Variants in CLIC5 observed in about 807,000 individuals in gnomAD.
CLIC5 encodes the protein chloride intracellular channel protein 5.
A neutral mutation model predicts 24.7 loss-of-function variants in CLIC5; 20 were observed. The ratio of observed to expected loss-of-function variants is 0.81; its 90% CI spans 0.57 to 1.18. The LOEUF is 1.18. Among genes scored for constraint, CLIC5 ranks in the 50% most tolerant of loss-of-function variants. The pLI is 0.00. For missense variants in CLIC5, 341 were observed against 326.1 expected, an observed-to-expected ratio of 1.05 and a Z score of -0.35; for synonymous variants, 159 against 135.6, an observed-to-expected ratio of 1.17 and a Z score of -1.20.
At chr6:45,952,586 T>C (rs1157441654) in intron 2 of CLIC5, among the ~76,000 whole-genome samples, 1 of 152,200 alleles carries the variant, frequency 6.6e-6, no homozygotes, top group Non-Finnish European at 1.5e-5. Context: ...TAAAGTGTAG[T>C]GCCAGGAAAA....
intron 1 of CLIC5, among the ~76,000 whole-genome samples, chr6:45,983,348 A>T (rs1248205684): frequency 6.6e-6 from 1 of 152,212 alleles, no homozygotes; most frequent in Non-Finnish European, 1.5e-5. Flanking sequence ...GTGTCATCAA[A>T]TGAGTAGTGT....
At chr6:46,033,394 T>A (rs2127456957) in intron 1 of CLIC5, among the ~76,000 whole-genome samples, 1 of 152,284 alleles carries the variant, frequency 6.6e-6, no homozygotes, top group Non-Finnish European at 1.5e-5. Flanking sequence ...TGTCAGGCAT[T>A]TGGGCAGTCA....
At chr6:45,956,468 GA>G (rs1428390010) in intron 1 of CLIC5, among the ~76,000 whole-genome samples, 1 of 127,146 alleles carries the variant, frequency 7.9e-6, no homozygotes, top group African/African-American at 3.0e-5. Context: ...GGGGCTTACT[GA>G]GTTTTTTTTT....
chr6:45,909,254 A>G (rs956299319), intron 5 of CLIC5, among the ~76,000 whole-genome samples: 1 of 152,146 alleles, frequency 6.6e-6, no homozygotes, highest in Admixed American at 6.5e-5. Flanking sequence ...TATGTCTTTC[A>G]AGTGGGGCAC....
intron 1 of CLIC5, among the ~76,000 whole-genome samples, chr6:46,008,984 G>A (rs536872687): frequency 6.6e-6 from 1 of 152,166 alleles, no homozygotes; most frequent in African/African-American, 2.4e-5. Flanking sequence ...AATCACCAGT[G>A]GGTAGCTTCT....
At chr6:45,907,306 CTGTT>C (rs1158840253) in intron 5 of CLIC5, among the ~76,000 whole-genome samples, 2 of 152,040 alleles carry the variant, frequency 1.3e-5, no homozygotes, top group East Asian at 1.9e-4. Flanking sequence ...GTTTTTAATT[CTGTT>C]TATGTGGCGA....
At chr6:45,975,081 G>C (rs1337472552) in intron 1 of CLIC5, among the ~76,000 whole-genome samples, 1 of 152,168 alleles carries the variant, frequency 6.6e-6, no homozygotes, top group East Asian at 1.9e-4. Context: ...AATAAAGTAA[G>C]CTAAAAGGGA....
chr6:46,129,536 A>G, the CLIC5 span: 2 of 152,236 alleles, frequency 1.3e-5, no homozygotes, highest in African/African-American at 2.4e-5. Flanking sequence ...TCGCTTATCC[A>G]GTAAGACGGA....
Position 46,042,521 on chromosome 6 carries a change from A to G in CLIC5, c.540+37182T>C, listed in dbSNP as rs577108963. ...GAGGCCACTCGGGGTGTTTAGCCAG[A>G]TGTCCTTCATACTCCAGCACGTCAC... is the stretch of plus-strand genomic sequence containing the variant. On this transcript the variant is annotated intron_variant, in intron 1 of 5. Coordinates refer to the CLIC5 transcript ENST00000185206. Among the ~76,000 whole-genome samples, 101 of 152,274 alleles carry G rather than the reference A, an allele frequency of 6.6e-4. 2 individuals are homozygous for G. Among genetic ancestry groups the G allele is most frequent in the African/African-American group, 2.2e-3 (92 of 41,558 alleles).
At chr6:46,012,645 A>G (rs1766847181) in intron 1 of CLIC5, among the ~76,000 whole-genome samples, 1 of 152,232 alleles carries the variant, frequency 6.6e-6, no homozygotes, top group South Asian at 2.1e-4. Context: ...AAGAAATTCA[A>G]AGTCTAAACT....
At chr6:46,100,342 C>T in the CLIC5 span, among the ~76,000 whole-genome samples, 1 of 152,148 alleles carries the variant, frequency 6.6e-6, no homozygotes, top group Non-Finnish European at 1.5e-5. Flanking sequence ...GCCTTTATTC[C>T]CATTTTAAAG....
At chr6:46,058,632 G>A (rs1768328163) in intron 1 of CLIC5, among the ~76,000 whole-genome samples, 1 of 152,214 alleles carries the variant, frequency 6.6e-6, no homozygotes, top group South Asian at 2.1e-4. Flanking sequence ...CTGGGTGGCT[G>A]GGGACCAGAG....
In CLIC5 at chr6:46,015,712, TCAGTGTCC is replaced by T; in HGVS notation, c.-178_-171del. On this transcript the variant is annotated 5_prime_UTR_variant, in exon 1 of 6. Coordinates refer to ENST00000339561, the MANE Select transcript of CLIC5 (RefSeq NM_016929.5). ...AGCCCGAGCAGCGGGGTCTGAGAGA[TCAGTGTCC>T]CAGATGCTCACATGAAAAGGAGCGA... 1 of 1,269,554 alleles carries T rather than the reference TCAGTGTCC, an allele frequency of 7.9e-7. No homozygotes were observed. The highest frequency in any genetic ancestry group is 9.9e-7 in the Non-Finnish European group (1 of 1,005,802). 78.6% of individuals were successfully genotyped at this position (1,269,554 alleles called of 1,614,324 possible). A position where few individuals can be genotyped will look rare whatever the true frequency, so the allele number is the denominator to read the frequency against.
chr6:45,914,506 C>T (rs1762945577), intron 4 of CLIC5, 97 bp from the exon 5 acceptor site: 1 of 1,340,580 alleles, frequency 7.5e-7, no homozygotes, highest in Non-Finnish European at 9.6e-7. Context: ...AGAATCCTGT[C>T]CCCTTCATCA....
chr6:45,956,617 G>A (rs1021818915), intron 1 of CLIC5, among the ~76,000 whole-genome samples: 1 of 151,938 alleles, frequency 6.6e-6, no homozygotes, highest in Non-Finnish European at 1.5e-5. Context: ...GAACCTCATT[G>A]TGTGCTTTTT....
upstream of CLIC5, among the ~76,000 whole-genome samples, chr6:46,083,164 G>A (rs1762960361): frequency 6.6e-6 from 1 of 152,144 alleles, no homozygotes; most frequent in African/African-American, 2.4e-5. Context: ...AATATTTGTT[G>A]GATAAATAAA....
At chr6:46,067,595 C>T (rs1159132839) in intron 1 of CLIC5, among the ~76,000 whole-genome samples, 1 of 152,210 alleles carries the variant, frequency 6.6e-6, no homozygotes, top group African/African-American at 2.4e-5. Flanking sequence ...CTTGCAGTGT[C>T]TAACCCCAGT....
chr6:45,974,387 A>G (rs1765307767), intron 1 of CLIC5, among the ~76,000 whole-genome samples: 1 of 151,674 alleles, frequency 6.6e-6, no homozygotes, highest in Admixed American at 6.6e-5. Context: ...GAAGGTTAAT[A>G]TAACAATTAT....
chr6:45,961,380 G>T (rs1208225518), intron 1 of CLIC5, among the ~76,000 whole-genome samples: 1 of 152,172 alleles, frequency 6.6e-6, no homozygotes, highest in Non-Finnish European at 1.5e-5. Flanking sequence ...GACCCAGAAA[G>T]GTTAAATGAA....
Sources: allele counts gnomAD v4.1 joint callset (sites outside exome capture counted in the v4.1 genomes callset), GRCh38; gene constraint gnomAD v4.1.1; transcripts MANE v1.5; gene names NCBI Gene and HGNC (gene_info 2026-07-23, HGNC 2026-07-21).